CAPRIN1: variants seen among roughly 807,000 people sequenced by gnomAD.
CAPRIN1 encodes cell cycle associated protein 1, also known as caprin-1.
A neutral mutation model predicts 100.9 loss-of-function variants in CAPRIN1; 29 were observed. That is an observed-to-expected ratio of 0.29 (90% CI 0.21 to 0.39). CAPRIN1 has a LOEUF of 0.39. CAPRIN1 is among the 10% of genes least tolerant of loss of function. CAPRIN1 has a pLI of 1.00. For missense variants in CAPRIN1, 795 were observed against 876.7 expected (o/e 0.91, Z 1.18); for synonymous variants, 338 against 307.5 (o/e 1.10, Z -1.04).
intron 2 of CAPRIN1, 28 bp downstream of exon 2, chr11:34,052,664 G>A: frequency 1.3e-6 from 2 of 1,578,200 alleles, no homozygotes; most frequent in Non-Finnish European, 8.6e-7. Context: ...GGAAGGGAGG[G>A]GTGGCTGCGG....
At chr11:34,068,176 T>C (rs1039408363) in intron 2 of CAPRIN1, among the ~76,000 whole-genome samples, 4 of 152,228 alleles carry the variant, frequency 2.6e-5, no homozygotes, top group Admixed American at 2.6e-4. Flanking sequence ...GCAAGAGGCC[T>C]TTCTTCATGG....
chr11:34,094,132 T>G (rs892046295), intron 15 of CAPRIN1, among the ~76,000 whole-genome samples: 2 of 152,018 alleles, frequency 1.3e-5, no homozygotes, highest in African/African-American at 4.8e-5. Context: ...GTGGCAGGAT[T>G]GCTTGAGGCC....
chr11:34,070,316 G>A (rs766080810), intron 2 of CAPRIN1, among the ~76,000 whole-genome samples: 2 of 152,172 alleles, frequency 1.3e-5, no homozygotes, highest in Non-Finnish European at 2.9e-5. Flanking sequence ...TTAGTGAGGT[G>A]GTAGCTATCT....
At chr11:34,082,761 CAGAGT>C (rs1236479768) in intron 7 of CAPRIN1, 59 bp from the exon 8 acceptor site, 11 of 1,147,908 alleles carry the variant, frequency 9.6e-6, no homozygotes, top group African/African-American at 7.7e-5. Flanking sequence ...CAATATCACA[CAGAGT>C]AGAGTAGTAT....
chr11:34,067,338 G>C (rs897138947), intron 2 of CAPRIN1, among the ~76,000 whole-genome samples: 4 of 152,104 alleles, frequency 2.6e-5, no homozygotes, highest in African/African-American at 9.7e-5. Context: ...TGAGATTGTT[G>C]AGTTATGATT....
At chr11:34,080,923 C>T (rs915949769) in intron 7 of CAPRIN1, among the ~76,000 whole-genome samples, 2 of 152,114 alleles carry the variant, frequency 1.3e-5, no homozygotes, top group African/African-American at 2.4e-5. Flanking sequence ...CAATCTTTTT[C>T]CCCCTCTTAC....
chr11:34,061,116 T>C (rs996747531), intron 2 of CAPRIN1, among the ~76,000 whole-genome samples: 7 of 152,024 alleles, frequency 4.6e-5, no homozygotes, highest in Non-Finnish European at 1.0e-4. Flanking sequence ...TTTTAAAAAA[T>C]TGGACAAACG....
intron 15 of CAPRIN1, 75 bp from the exon 16 acceptor site, chr11:34,096,404 A>T: frequency 2.8e-6 from 3 of 1,089,108 alleles, no homozygotes; most frequent in Admixed American, 2.0e-5. Context: ...GACACTTCTT[A>T]AACTAGAAAG....
At chr11:34,066,572 TC>T (rs1000770704) in intron 2 of CAPRIN1, among the ~76,000 whole-genome samples, 14 of 151,720 alleles carry the variant, frequency 9.2e-5, no homozygotes, top group African/African-American at 3.2e-4. Context: ...GACCTTGTGA[TC>T]CGCCTGCCTC....
In CAPRIN1 at chr11:34,052,556, A is replaced by G; in HGVS notation, c.136A>G (p.Thr46Ala). The G allele has an allele frequency of 6.2e-7, 1 of 1,609,532 alleles. No homozygotes were observed. Among genetic ancestry groups the G allele is most frequent in the Non-Finnish European group, 8.5e-7 (1 of 1,178,648 alleles). Reference sequence around the variant, plus strand: ...GGCTTCTCAGCACCCCGCAACCGGCACCGGCGCTGTCCAGACCGAGGCCAT... The same window carrying G: ...GGCTTCTCAGCACCCCGCAACCGGCGCCGGCGCTGTCCAGACCGAGGCCAT... ...APASQHPATGTGAVQTEAMKQ... is the reference protein window; with the variant it reads ...APASQHPATGAGAVQTEAMKQ... Residue 46 changes from threonine (T) to alanine (A), a missense_variant, in exon 2 of 19, where the codon ACC (threonine) becomes GCC (alanine). This residue lies in a region of CAPRIN1 where 109 missense variants were observed against 86.6 expected (regional missense o/e 1.26). Transcript: ENST00000341394.
chr11:34,052,979 C>T (rs1850361531), intron 2 of CAPRIN1: 2 of 1,071,972 alleles, frequency 1.9e-6, no homozygotes, highest in South Asian at 2.9e-5. Flanking sequence ...GCCCTTCTTT[C>T]CGTCTCTGAG....
intron 7 of CAPRIN1, among the ~76,000 whole-genome samples, chr11:34,080,073 G>A (rs866372365): frequency 2.6e-5 from 4 of 151,822 alleles, no homozygotes; most frequent in African/African-American, 7.3e-5. Flanking sequence ...ACAGGCGCCC[G>A]CCACCACGCC....
chr11:34,071,056 CA>C (rs1242538655), intron 2 of CAPRIN1, among the ~76,000 whole-genome samples: 1 of 152,114 alleles, frequency 6.6e-6, no homozygotes, highest in African/African-American at 2.4e-5. Context: ...GAGGGAGAGG[CA>C]AAAATTTAAC....
In CAPRIN1 at chr11:34,082,819, T is replaced by C; in HGVS notation, c.827-6T>C. ...TTTTGTTTTGCACCATTTTTTAACC[T>C]CTTAGAACCTGAGCCAGCAGAAGAG... On this transcript the variant is annotated splice_region_variant and splice_polypyrimidine_tract_variant and intron_variant, in intron 7 of 18. Coordinates refer to ENST00000341394, the MANE Select transcript of CAPRIN1 (RefSeq NM_005898.5). 8 of 1,612,480 alleles carry C rather than the reference T, an allele frequency of 5.0e-6. No homozygotes were observed. The highest frequency in any genetic ancestry group is 6.8e-6 in the Non-Finnish European group (8 of 1,179,452).
chr11:34,059,969 G>T (rs1402072494), intron 2 of CAPRIN1, among the ~76,000 whole-genome samples: 1 of 149,138 alleles, frequency 6.7e-6, no homozygotes, highest in Non-Finnish European at 1.5e-5. Context: ...GCTGAGGCAG[G>T]TGGATCACCT....
rs917478582 is a variant in CAPRIN1, at chr11:34,074,739, C to T, written c.367-1497C>T. ...CTCTGCTAAAAATACAAAAATTAGC[C>T]GGGCTTGGCAGCACACACCTGTAAT... is the stretch of plus-strand genomic sequence containing the variant. On this transcript the variant is annotated intron_variant, in intron 4 of 18. Coordinates refer to ENST00000341394, the MANE Select transcript of CAPRIN1 (RefSeq NM_005898.5). Among the ~76,000 whole-genome samples, 6 of 152,240 alleles carry T rather than the reference C, an allele frequency of 3.9e-5. No homozygotes were observed. In the East Asian group the frequency reaches 5.8e-4, roughly 15 times the overall value.
At chr11:34,077,529 T>G (rs945524052) in intron 6 of CAPRIN1, among the ~76,000 whole-genome samples, 1 of 152,224 alleles carries the variant, frequency 6.6e-6, no homozygotes, top group Non-Finnish European at 1.5e-5. Flanking sequence ...AAAGGGACAT[T>G]TACGTTTCAC....
At position 34,086,116 on chromosome 11, in the gene CAPRIN1, A is replaced by T. The variant is rs1411764306; in HGVS notation, c.1019A>T (p.Glu340Val). ...QPQAASPSVP[E>V]PHSLTPVAQA... ...CAGGCTGCATCCCCTTCAGTACCAG[A>T]GCCCCACTCTTTGACTCCAGTGGCT... Residue 340 changes from glutamate to valine, a missense_variant, in exon 10 of 19, where the codon GAG becomes GTG. Physicochemically the swap from Glu to Val is moderately radical, Grantham distance 121. Coordinates refer to ENST00000341394, the MANE Select transcript of CAPRIN1 (RefSeq NM_005898.5). The T allele has an allele frequency of 1.2e-6, 2 of 1,613,956 alleles. No individual in the cohort carries two copies. The highest frequency in any genetic ancestry group is 2.7e-5 in the African/African-American group (2 of 74,894).
intron 2 of CAPRIN1, among the ~76,000 whole-genome samples, chr11:34,058,943 T>A (rs1167311836): frequency 6.6e-6 from 1 of 152,304 alleles, no homozygotes; most frequent in African/African-American, 2.4e-5. Flanking sequence ...GGTAGTTGGT[T>A]CCTTTTTCTG....
Sources: gnomAD v4.1 joint callset for allele counts (sites outside exome capture counted in the v4.1 genomes callset) on GRCh38, gnomAD v4.1.1 for gene constraint, gnomAD v4.1.1 regional missense constraint, MANE v1.5 for transcripts, NCBI Gene and HGNC (gene_info 2026-07-23, HGNC 2026-07-21) for gene names.